Variants in PREX2 observed in about 807,000 individuals in gnomAD.
PREX2 encodes the protein phosphatidylinositol-3,4,5-trisphosphate dependent Rac exchange factor 2.
PREX2 carries 107 observed loss-of-function variants against 203.2 expected under a neutral mutation model. That is an observed-to-expected ratio of 0.53 (90% CI 0.45 to 0.62). The LOEUF is 0.62. Among genes scored for constraint, PREX2 ranks in the 20% least tolerant of loss-of-function variants. The probability of loss-of-function intolerance (pLI) is 0.00; values close to 1 mark genes in which losing one functional copy is unlikely to be tolerated. For missense variants in PREX2, 1,777 were observed against 1,955.9 expected, an observed-to-expected ratio of 0.91 and a Z score of 1.72; for synonymous variants, 672 against 663.6, an observed-to-expected ratio of 1.01 and a Z score of -0.19.
intron 19 of PREX2, among the ~76,000 whole-genome samples, chr8:68,089,275 G>T (rs934425228): frequency 2.0e-5 from 3 of 152,056 alleles, no homozygotes; most frequent in Non-Finnish European, 4.4e-5. Context: ...TACTGGGCCC[G>T]TATTACTACT....
At position 68,106,809 on chromosome 8, in the gene PREX2, A is replaced by G. The variant is rs556602546; in HGVS notation, c.2716-1300A>G. ...AGAGTAAATAGATAGGATCATGGTTATAGTTTTCAAGGGAGAAGAGAATAT... is the reference window on the plus strand; with the variant it reads ...AGAGTAAATAGATAGGATCATGGTTGTAGTTTTCAAGGGAGAAGAGAATAT... On this transcript the variant is annotated intron_variant, in intron 23 of 39. Transcript: ENST00000288368. Among the ~76,000 whole-genome samples, 4 of 152,312 alleles carry G rather than the reference A, an allele frequency of 2.6e-5. No homozygotes were observed. In the South Asian group the frequency reaches 6.2e-4, roughly 24 times the overall value.
At chr8:67,978,767 A>G (rs1280015974) in intron 1 of PREX2, among the ~76,000 whole-genome samples, 2 of 152,192 alleles carry the variant, frequency 1.3e-5, no homozygotes, top group East Asian at 1.9e-4. Context: ...TAAGTAGCCT[A>G]TAAGCCACTC....
intron 23 of PREX2, chr8:68,105,402 G>A: frequency 7.6e-7 from 1 of 1,311,350 alleles, no homozygotes; most frequent in Non-Finnish European, 1.0e-6. Flanking sequence ...CTTAGACACA[G>A]TACACAGCCC....
intron 1 of PREX2, among the ~76,000 whole-genome samples, chr8:68,000,799 C>T (rs751320296): frequency 2.6e-5 from 4 of 152,082 alleles, no homozygotes; most frequent in East Asian, 1.9e-4. Flanking sequence ...AGGCCACATA[C>T]GTATAACCAT....
intron 23 of PREX2, chr8:68,105,735 A>ATATATATATACATATATATG (rs1810392185): frequency 5.8e-6 from 1 of 173,524 alleles, no homozygotes; most frequent in Non-Finnish European, 1.1e-5. Flanking sequence ...ACACACATAT[A>ATATATATATACATATATATG]TATATATATA....
intron 34 of PREX2, among the ~76,000 whole-genome samples, chr8:68,148,556 T>G (rs1189001412): frequency 6.6e-6 from 1 of 152,224 alleles, no homozygotes; most frequent in African/African-American, 2.4e-5. Flanking sequence ...AAAAAATTAT[T>G]TTGCAAGCAA....
chr8:68,202,052 C>T (rs1812516040), intron 37 of PREX2, among the ~76,000 whole-genome samples: 1 of 151,582 alleles, frequency 6.6e-6, no homozygotes, highest in African/African-American at 2.4e-5. Context: ...ATTACAGGCG[C>T]CCACCACCCT....
chr8:68,065,082 C>A (rs1808976805), intron 11 of PREX2, among the ~76,000 whole-genome samples: 1 of 152,188 alleles, frequency 6.6e-6, no homozygotes, highest in Non-Finnish European at 1.5e-5. Flanking sequence ...ATTGGGAGAG[C>A]AAATTTGAAT....
At chr8:68,004,001 A>C (rs1807021512) in intron 1 of PREX2, among the ~76,000 whole-genome samples, 1 of 151,788 alleles carries the variant, frequency 6.6e-6, no homozygotes, top group Admixed American at 6.6e-5. Context: ...GGCGTGTGGC[A>C]CGTGCCACTA....
In PREX2 at chr8:68,140,189, T is replaced by C. The variant is rs141164691; in HGVS notation, c.4087+1672T>C. On this transcript the variant is annotated intron_variant, in intron 33 of 39. Coordinates refer to ENST00000288368, the MANE Select transcript of PREX2 (RefSeq NM_024870.4). ...AACACACACTAAATATAAAAAATAA[T>C]TGGGACCATGTAAGCAATAATAGTA... Among the ~76,000 whole-genome samples, 120 of 152,278 alleles carry C rather than the reference T, an allele frequency of 7.9e-4. 1 individual carries two copies. The highest frequency in any genetic ancestry group is 2.7e-3 in the African/African-American group (112 of 41,560).
chr8:68,097,837 G>C (rs1337217477), intron 22 of PREX2, among the ~76,000 whole-genome samples: 1 of 152,176 alleles, frequency 6.6e-6, no homozygotes, highest in African/African-American at 2.4e-5. Context: ...CATGACAGAT[G>C]CTACTTTTTC....
intron 1 of PREX2, among the ~76,000 whole-genome samples, chr8:68,002,016 A>G (rs999117997): frequency 5.9e-5 from 9 of 152,150 alleles, no homozygotes; most frequent in Non-Finnish European, 1.3e-4. Flanking sequence ...AATAATCTGT[A>G]AAACAAATCC....
chr8:68,176,344 T>C (rs1344561730), intron 35 of PREX2, among the ~76,000 whole-genome samples: 2 of 152,174 alleles, frequency 1.3e-5, no homozygotes, highest in Non-Finnish European at 2.9e-5. Context: ...ATTTAGGTTA[T>C]GGGGAGAAAG....
In PREX2 at chr8:68,138,526, T is replaced by G. The variant is rs370706068; in HGVS notation, c.4087+9T>G. 5.0e-6 allele frequency: 7 copies of G among 1,387,530 alleles called. No homozygotes were observed. Among genetic ancestry groups the G allele is most frequent in the Non-Finnish European group, 7.1e-6 (7 of 991,762 alleles). The allele number at this position is 1,387,530 out of a possible 1,614,324, so 86.0% of individuals were successfully genotyped here. On this transcript the variant is annotated intron_variant, in intron 33 of 39. Transcript: ENST00000288368. ...GGAACCTCTGGTTGCAAGTAAGTAA[T>G]TAGGTATTTACAAAATTTATTTGGC...
At chr8:68,191,614 T>C (rs1812295843) in intron 35 of PREX2, 108 bp from the exon 36 acceptor site, 2 of 768,018 alleles carry the variant, frequency 2.6e-6, no homozygotes, top group South Asian at 3.4e-5. Context: ...TCAATGCTTT[T>C]GTTTATTCAC....
At position 68,047,508 on chromosome 8, in the gene PREX2, CACAT is replaced by C. The variant is rs1373016856; in HGVS notation, c.943+2924_943+2927del. Among the ~76,000 whole-genome samples, 260 of 55,572 alleles carry C rather than the reference CACAT, an allele frequency of 4.7e-3. 1 individual carries two copies. The highest frequency in any genetic ancestry group is 6.7e-3 in the Non-Finnish European group (184 of 27,612). 36.5% of individuals were successfully genotyped at this position (55,572 alleles called of 152,430 possible). ...ATATATATATATATATATATATATA[CACAT>C]ACATATATATATATGTATTTTTTTA... is the stretch of plus-strand genomic sequence containing the variant. On this transcript the variant is annotated intron_variant, in intron 8 of 39. Transcript: ENST00000288368.
chr8:68,107,119 G>A (rs573460649), intron 23 of PREX2, among the ~76,000 whole-genome samples: 2 of 152,232 alleles, frequency 1.3e-5, no homozygotes, highest in East Asian at 3.9e-4. Flanking sequence ...ACAGCGTGCT[G>A]GAACTTAGCA....
chr8:68,092,383 T>A (rs551862070), intron 20 of PREX2, among the ~76,000 whole-genome samples: 1 of 152,322 alleles, frequency 6.6e-6, no homozygotes, highest in East Asian at 1.9e-4. Context: ...TTAGACACAC[T>A]TGAGAATCGA....
chr8:67,961,987 A>G (rs1805646264), intron 1 of PREX2, among the ~76,000 whole-genome samples: 1 of 152,244 alleles, frequency 6.6e-6, no homozygotes, highest in African/African-American at 2.4e-5. Flanking sequence ...AATTTAGAAT[A>G]CTGATATAAA....
Sources: gnomAD v4.1 joint callset for allele counts (sites outside exome capture counted in the v4.1 genomes callset) on GRCh38, gnomAD v4.1.1 for gene constraint, MANE v1.5 for transcripts, NCBI Gene and HGNC (gene_info 2026-07-23, HGNC 2026-07-21) for gene names.